SBNO2: variants seen among roughly 807,000 people sequenced by gnomAD.
The protein encoded by SBNO2 is protein strawberry notch homolog 2.
Under a neutral mutation model 146.3 loss-of-function variants are expected in SBNO2, and 89 were observed. That is an observed-to-expected ratio of 0.61 (90% CI 0.51 to 0.73). The LOEUF is 0.73. Among genes scored for constraint, SBNO2 ranks in the 30% least tolerant of loss-of-function variants. SBNO2 has a pLI of 0.00. For synonymous variants in SBNO2, 1,147 were observed against 892.6 expected, an observed-to-expected ratio of 1.29 and a Z score of -5.08; for missense variants, 2,092 against 2,003.7, an observed-to-expected ratio of 1.04 and a Z score of -0.84.
chr19:1,160,984 G>A (rs904136102), intron 1 of SBNO2, among the ~76,000 whole-genome samples: 9 of 149,346 alleles, frequency 6.0e-5, no homozygotes, highest in Admixed American at 5.3e-4. Context: ...GAAAGAAAGG[G>A]TGGAGGGTCC....
At chr19:1,169,423 C>CACCCTCA (rs1461923356) in intron 1 of SBNO2, among the ~76,000 whole-genome samples, 1 of 152,246 alleles carries the variant, frequency 6.6e-6, no homozygotes, top group African/African-American at 2.4e-5. Context: ...GACCACCAGG[C>CACCCTCA]ACCCTCAGGC....
At chr19:1,137,011 C>T (rs990246055) in intron 4 of SBNO2, among the ~76,000 whole-genome samples, 1 of 150,482 alleles carries the variant, frequency 6.6e-6, no homozygotes, top group Non-Finnish European at 1.5e-5. Flanking sequence ...CTGTGGGTGC[C>T]GAGAGCCCCA....
intron 4 of SBNO2, among the ~76,000 whole-genome samples, chr19:1,141,371 T>C (rs373691878): frequency 3.9e-5 from 6 of 152,074 alleles, no homozygotes; most frequent in Admixed American, 3.3e-4. Context: ...CCCGCCACCA[T>C]GCTCAGCTAA....
chr19:1,168,202 T>A lies in SBNO2; in HGVS notation c.-127+5970A>T, dbSNP rs570810819. 2.0e-5 allele frequency among the ~76,000 whole-genome samples: 3 copies of A among 152,216 alleles called. No homozygotes were observed. The East Asian group carries it at 5.8e-4, about 29-fold the overall frequency. The stretch of plus-strand genomic sequence containing the variant: ...TCCACACCCCCACCCCGGGGCAGCG[T>A]TGGGTGCCCAGACCTCAGGGCCACC... On this transcript the variant is annotated intron_variant, in intron 1 of 31. Coordinates refer to ENST00000361757, the MANE Select transcript of SBNO2 (RefSeq NM_014963.3).
intron 13 of SBNO2, 141 bp from the exon 14 acceptor site, chr19:1,119,305 G>A: frequency 1.8e-6 from 2 of 1,114,748 alleles, no homozygotes; most frequent in Non-Finnish European, 1.3e-6. Context: ...GTTGGCAGCT[G>A]AGCCTGGCGG....
At chr19:1,113,425 G>A in intron 19 of SBNO2, 110 bp downstream of exon 19, 1 of 1,007,748 alleles carries the variant, frequency 9.9e-7, no homozygotes. Context: ...CAGGGCCGCG[G>A]AGACGCAGAG....
At position 1,116,820 on chromosome 19, in the gene SBNO2, G is replaced by T; in HGVS notation, c.1802+9C>A. 6.3e-7 allele frequency: 1 copy of T among 1,579,166 alleles called. No homozygotes were observed. The highest frequency in any genetic ancestry group is 8.6e-7 in the Non-Finnish European group (1 of 1,163,662). On this transcript the variant is annotated intron_variant, in intron 16 of 31. Transcript: ENST00000361757. Reference sequence around the variant, plus strand: ...AAGCCCACAGTCCTGTCCCCACCGTGACACTTACTCAGCGGCCGAGACGAA... The same window carrying T: ...AAGCCCACAGTCCTGTCCCCACCGTTACACTTACTCAGCGGCCGAGACGAA...
At chr19:1,152,469 T>A (rs1031719836) in intron 2 of SBNO2, among the ~76,000 whole-genome samples, 2 of 152,070 alleles carry the variant, frequency 1.3e-5, no homozygotes, top group African/African-American at 4.8e-5. Context: ...GCTGTTCCGG[T>A]GGGGATGTGG....
rs1186911447 is a variant in SBNO2, at chr19:1,150,249, C to T, written c.94-807G>A. On this transcript the variant is annotated intron_variant, in intron 2 of 31. Coordinates refer to ENST00000361757, the MANE Select transcript of SBNO2 (RefSeq NM_014963.3). The surrounding 1 kb of genome is among the most constrained non-coding windows in gnomAD (Gnocchi z 6.2). The stretch of plus-strand genomic sequence containing the variant: ...GAGCGGCTTGAGGCACACGGCAGGC[C>T]CCAAAACCTGAGGATGGGGAGCACA... Among the ~76,000 whole-genome samples the T allele has an allele frequency of 6.6e-6, 1 of 152,160 alleles. No homozygotes were observed. The highest frequency in any genetic ancestry group is 1.5e-5 in the Non-Finnish European group (1 of 68,018).
intron 4 of SBNO2, among the ~76,000 whole-genome samples, chr19:1,129,728 A>G (rs1374612025): frequency 6.6e-6 from 1 of 152,182 alleles, no homozygotes; most frequent in Non-Finnish European, 1.5e-5. Context: ...GGCCCCAGCC[A>G]GGAGCGGGGG....
At position 1,140,998 on chromosome 19, in the gene SBNO2, GAC is replaced by G. The variant is rs561984318; in HGVS notation, c.279+6309_279+6310del. On this transcript the variant is annotated intron_variant, in intron 4 of 31. Transcript: ENST00000361757. This position sits in a 1 kb window ranked among gnomAD's most constrained non-coding sequence, Gnocchi z 4.4. ...ACCAACGGAGAGGCACTCTGGAGAA[GAC>G]ACACCCTGGAGAAGACACACCCTGG... Among the ~76,000 whole-genome samples, 21 of 151,838 alleles carry G rather than the reference GAC, an allele frequency of 1.4e-4. No homozygotes were observed. In the South Asian group the frequency reaches 4.4e-3, roughly 32 times the overall value.
At chr19:1,111,667 C>G in intron 23 of SBNO2, 53 bp from the exon 24 acceptor site, 1 of 1,378,504 alleles carries the variant, frequency 7.3e-7, no homozygotes, top group Non-Finnish European at 1.0e-6. Context: ...GCTGGCTTTC[C>G]CTGGACCCCT....
chr19:1,132,277 T>TTTAGTCA, intron 4 of SBNO2: 1 of 1,312,418 alleles, frequency 7.6e-7, no homozygotes, highest in Non-Finnish European at 9.7e-7. Context: ...TGCATGTCGG[T>TTTAGTCA]TTAGTCACCG....
Position 1,112,060 on chromosome 19 carries a change from AG to A in SBNO2, c.2635del (p.Leu879Ter). 1 of 1,612,322 alleles carries A rather than the reference AG, an allele frequency of 6.2e-7. No individual in the cohort carries two copies. Among genetic ancestry groups the A allele is most frequent in the Non-Finnish European group, 8.5e-7 (1 of 1,179,710 alleles). On this transcript the variant is annotated frameshift_variant, in exon 23 of 32. Transcript: ENST00000361757. LOFTEE classifies it high-confidence loss of function. This position sits in a 1 kb window ranked among gnomAD's most constrained non-coding sequence, Gnocchi z 5.9. ...CGTGGCGCGGCGGTCTCCGTGGGTC[AG>A]GGCCCCCTGCCAGGGGTGGGGAGGC... ...VAKRLESLGALTHGDRRATES... is the reference protein window; with the variant it reads ...VAKRLESLGAXTHGDRRATES...
At chr19:1,142,320 G>GCTCC (rs2080149013) in intron 4 of SBNO2, among the ~76,000 whole-genome samples, 1 of 95,350 alleles carries the variant, frequency 1.0e-5, no homozygotes. Context: ...GGCCGTGAAG[G>GCTCC]CTCTCCAGCA....
chr19:1,165,727 T>A (rs1300386945), intron 1 of SBNO2, among the ~76,000 whole-genome samples: 1 of 64,244 alleles, frequency 1.6e-5, no homozygotes. Context: ...AGACCCCAGA[T>A]CTCAGACTCC....
At chr19:1,165,676 G>C (rs1323825433) in intron 1 of SBNO2, among the ~76,000 whole-genome samples, 1 of 124,942 alleles carries the variant, frequency 8.0e-6, no homozygotes, top group African/African-American at 2.8e-5. Context: ...CCAGACCCCA[G>C]TACCCAGACC....
At chr19:1,135,684 A>G (rs1276293338) in intron 4 of SBNO2, among the ~76,000 whole-genome samples, 1 of 152,212 alleles carries the variant, frequency 6.6e-6, no homozygotes, top group Non-Finnish European at 1.5e-5. Flanking sequence ...GGCTCCGTGT[A>G]AGCCTGGCTG....
chr19:1,144,737 GAGAC>G lies in SBNO2; in HGVS notation c.279+2568_279+2571del, dbSNP rs1270750532. Among the ~76,000 whole-genome samples, 4 of 150,632 alleles carry G rather than the reference GAGAC, an allele frequency of 2.7e-5. No homozygotes were observed. The highest frequency in any genetic ancestry group is 4.4e-5 in the Non-Finnish European group (3 of 67,916). ...ACACAGAGGCAGAGAGGGAGACAAA[GAGAC>G]AGGTGGAGAGGGAGACAGAGAGACA... On this transcript the variant is annotated intron_variant, in intron 4 of 31. Transcript: ENST00000361757. This position sits in a 1 kb window ranked among gnomAD's most constrained non-coding sequence, Gnocchi z 4.1.
Sources: gnomAD v4.1 joint callset for allele counts (sites outside exome capture counted in the v4.1 genomes callset) on GRCh38, gnomAD v4.1.1 for gene constraint, Gnocchi (gnomAD v3.1) non-coding constraint, MANE v1.5 for transcripts, NCBI Gene and HGNC (gene_info 2026-07-23, HGNC 2026-07-21) for gene names.